CYLD: variants seen among roughly 807,000 people sequenced by gnomAD.
CYLD encodes CYLD lysine 63 deubiquitinase.
A neutral mutation model predicts 104.5 loss-of-function variants in CYLD; 26 were observed. The observed-to-expected ratio is 0.25, with a 90% CI of 0.18 to 0.35. CYLD has a LOEUF of 0.35. CYLD is among the 10% of genes least tolerant of loss of function. The pLI, the probability that CYLD is intolerant of heterozygous loss-of-function variation, is 1.00. For synonymous variants in CYLD, 385 were observed against 399.9 expected (o/e 0.96, Z 0.45); for missense variants, 703 against 1,136.1 (o/e 0.62, Z 5.48).
rs1969845971 is a variant in CYLD, at chr16:50,777,891, T to C, written c.1088T>C (p.Val363Ala). Residue 363 changes from valine (V) to alanine (A), a missense_variant, in exon 8 of 19, where the codon GTT (valine) becomes GCT (alanine). This residue lies in a region of CYLD where 183 missense variants were observed against 212.1 expected (regional missense o/e 0.86). Transcript: ENST00000427738. ...ELFYTLNGSS[V>A]DSQPQSKSKN... Reference sequence around the variant, plus strand: ...TTTTATACCTTAAATGGGTCTTCTGTTGACTCACAACCACAATCCAAATCA... The same window carrying C: ...TTTTATACCTTAAATGGGTCTTCTGCTGACTCACAACCACAATCCAAATCA... The C allele has an allele frequency of 6.2e-7, 1 of 1,609,382 alleles. No homozygotes were observed. The highest frequency in any genetic ancestry group is 1.7e-5 in the Admixed American group (1 of 59,984).
At position 50,794,942 on chromosome 16, in the gene CYLD, G is replaced by C. The variant is rs1304073729; in HGVS notation, c.2686+514G>C. ...GCCTCATATTGTGATATTTTGACAT[G>C]CATATGCTCTTTTTTTAAAAAAAAG... On this transcript the variant is annotated intron_variant, in intron 18 of 18. Coordinates refer to ENST00000427738, the MANE Select transcript of CYLD (RefSeq NM_001378743.1). The surrounding 1 kb of genome is among the most constrained non-coding windows in gnomAD (Gnocchi z 4.1). The C allele has an allele frequency of 5.9e-6, 1 of 168,938 alleles. No homozygotes were observed. Among genetic ancestry groups the C allele is most frequent in the African/African-American group, 2.4e-5 (1 of 41,446 alleles). The allele number at this position is 168,938 out of a possible 1,614,324, so 10.5% of individuals were successfully genotyped here. A position where few individuals can be genotyped will look rare whatever the true frequency, so the allele number is the denominator to read the frequency against.
chr16:50,793,407 C>T (rs1468923230), intron 16 of CYLD, 139 bp from the exon 17 acceptor site: 1 of 759,862 alleles, frequency 1.3e-6, no homozygotes, highest in African/African-American at 1.7e-5. Flanking sequence ...AGAGCTTAAG[C>T]AGATGGAAGA....
At chr16:50,787,095 T>C in intron 13 of CYLD, 149 bp downstream of exon 13, 2 of 680,336 alleles carry the variant, frequency 2.9e-6, no homozygotes, top group South Asian at 3.3e-5. Context: ...GCTCCTCTTT[T>C]TGTAAATTCT....
intron 16 of CYLD, among the ~76,000 whole-genome samples, chr16:50,792,921 A>C (rs567526285): frequency 1.2e-4 from 18 of 152,322 alleles, no homozygotes; most frequent in African/African-American, 4.3e-4. Context: ...AAATATACTT[A>C]TTATTATATG....
chr16:50,780,646 G>GT (rs1970131076), intron 9 of CYLD, among the ~76,000 whole-genome samples: 2 of 152,116 alleles, frequency 1.3e-5, no homozygotes, highest in African/African-American at 2.4e-5. Flanking sequence ...AGTCACCTGA[G>GT]TAGCTGGAAT....
intron 4 of CYLD, among the ~76,000 whole-genome samples, chr16:50,752,956 A>G (rs979410435): frequency 3.3e-5 from 5 of 152,066 alleles, no homozygotes; most frequent in Admixed American, 2.6e-4. Context: ...TAAAGAAGGA[A>G]ATTCATATGG....
chr16:50,788,620 T>G (rs759377724), intron 14 of CYLD, among the ~76,000 whole-genome samples: 2 of 152,126 alleles, frequency 1.3e-5, no homozygotes, highest in Non-Finnish European at 2.9e-5. Context: ...TTCTTATGAA[T>G]GAAATGAGAC....
chr16:50,787,859 T>A lies in CYLD; in HGVS notation c.2108+7T>A, dbSNP rs754353179. 1.4e-6 allele frequency: 2 copies of A among 1,442,334 alleles called. No individual in the cohort carries two copies. The highest frequency in any genetic ancestry group is 1.9e-6 in the Non-Finnish European group (2 of 1,028,574). 89.3% of individuals were successfully genotyped at this position (1,442,334 alleles called of 1,614,324 possible). A position where few individuals can be genotyped will look rare whatever the true frequency, so the allele number is the denominator to read the frequency against. ...AACCTTTGCTAAAAATAAGGTAACC[T>A]TTAAATTGTTCTAGAAGCATTGGAA... On this transcript the variant is annotated splice_region_variant and intron_variant, in intron 14 of 18. Coordinates refer to ENST00000427738, the MANE Select transcript of CYLD (RefSeq NM_001378743.1).
Position 50,779,842 on chromosome 16 carries a change from C to A in CYLD, c.1316C>A (p.Ser439Tyr), listed in dbSNP as rs1019560125. The change falls in exon 9 of 19, where the codon TCT becomes TAT. Residue 439 changes from serine to tyrosine, a missense_variant. Around this residue, in one of 5 missense-constraint regions of CYLD, gnomAD observed 183 missense variants for 212.1 expected, o/e 0.86. Coordinates refer to ENST00000427738, the MANE Select transcript of CYLD (RefSeq NM_001378743.1). ...GGAAGTATTGGCCACAGTCCACTTT[C>A]TCTGTCAGCCCAGTCTGTAATGGAA... is the stretch of plus-strand genomic sequence containing the variant. The part of the protein sequence containing the change: ...TNGSIGHSPL[S>Y]LSAQSVMEEL... 6.2e-7 allele frequency: 1 copy of A among 1,613,878 alleles called. No individual in the cohort carries two copies. The highest frequency in any genetic ancestry group is 8.5e-7 in the Non-Finnish European group (1 of 1,180,010).
In CYLD at chr16:50,785,282, A is replaced by G. The variant is rs185579666; in HGVS notation, c.1949+831A>G. On this transcript the variant is annotated intron_variant, in intron 12 of 18. Transcript: ENST00000427738. ...TATATACTGTTCTTATTTATCAATT[A>G]AAGTAAAAAATAGTTTGATATCAAA... 26 of 152,350 alleles carry G rather than the reference A, an allele frequency of 1.7e-4. No homozygotes were observed. The East Asian group carries it at 5.0e-3, about 29-fold the overall frequency. 9.4% of individuals were successfully genotyped at this position (152,350 alleles called of 1,614,324 possible).
At chr16:50,773,507 A>G (rs914193549) in intron 5 of CYLD, among the ~76,000 whole-genome samples, 5 of 152,198 alleles carry the variant, frequency 3.3e-5, no homozygotes, top group Non-Finnish European at 5.9e-5. Context: ...CTTCTGTAGA[A>G]TAGCTTGTTT....
rs1972152835 is a variant in CYLD, at chr16:50,797,578, A to G, written c.*1070A>G. ...AAGTAGAAATGGGATGTTTTGTTTA[A>G]TAACAGCCATAGTGTGTGTTTAGAC... On this transcript the variant is annotated 3_prime_UTR_variant, in exon 19 of 19. Transcript: ENST00000427738. The G allele has an allele frequency of 4.3e-6, 1 of 232,656 alleles. No homozygotes were observed. Among genetic ancestry groups the G allele is most frequent in the Non-Finnish European group, 8.5e-6 (1 of 117,618 alleles). The allele number at this position is 232,656 out of a possible 1,614,324, so 14.4% of individuals were successfully genotyped here. A position where few individuals can be genotyped will look rare whatever the true frequency, so the allele number is the denominator to read the frequency against.
intron 14 of CYLD, among the ~76,000 whole-genome samples, chr16:50,790,278 G>T (rs1274874698): frequency 6.6e-6 from 1 of 152,160 alleles, no homozygotes. Flanking sequence ...CAAGAAACAA[G>T]GGAAAGTCAA....
chr16:50,783,724 A>C (rs1970518203), intron 11 of CYLD: 1 of 153,102 alleles, frequency 6.5e-6, no homozygotes, highest in Non-Finnish European at 1.5e-5. Context: ...TTTTTAGTAG[A>C]GACGGGGTTT....
chr16:50,777,085 A>G (rs1969764055), intron 7 of CYLD, among the ~76,000 whole-genome samples: 1 of 152,188 alleles, frequency 6.6e-6, no homozygotes, highest in Non-Finnish European at 1.5e-5. Context: ...AAGCTATGGC[A>G]TGTTAATTGT....
intron 15 of CYLD, 87 bp downstream of exon 15, chr16:50,791,777 C>T (rs551236862): frequency 6.9e-7 from 1 of 1,452,780 alleles, no homozygotes; most frequent in East Asian, 2.3e-5. Flanking sequence ...TTGATTTTAA[C>T]TAGCTGAGAA....
At chr16:50,749,373 T>C (rs1726036541) in intron 2 of CYLD, among the ~76,000 whole-genome samples, 1 of 152,234 alleles carries the variant, frequency 6.6e-6, no homozygotes, top group African/African-American at 2.4e-5. Context: ...ATATGCACAG[T>C]TACAGTAGAT....
intron 5 of CYLD, among the ~76,000 whole-genome samples, chr16:50,771,981 A>C (rs1195074583): frequency 6.6e-6 from 1 of 152,190 alleles, no homozygotes; most frequent in Non-Finnish European, 1.5e-5. Context: ...CTTGCAATCT[A>C]TTAAACTAAT....
At chr16:50,754,543 C>T (rs1235351562) in intron 5 of CYLD, 119 bp downstream of exon 5, 16 of 717,870 alleles carry the variant, frequency 2.2e-5, no homozygotes, top group Non-Finnish European at 3.3e-5. Flanking sequence ...TAAGTTCTTT[C>T]GTGGTGATTT....
Sources: allele counts gnomAD v4.1 joint callset (sites outside exome capture counted in the v4.1 genomes callset), GRCh38; gene constraint gnomAD v4.1.1; regional missense constraint gnomAD v4.1.1; non-coding constraint Gnocchi (gnomAD v3.1); transcripts MANE v1.5; gene names NCBI Gene and HGNC (gene_info 2026-07-23, HGNC 2026-07-21).